The following SRGAP1 variants were observed in gnomAD, a reference collection of about 807,000 sequenced individuals.
SRGAP1 encodes the protein SLIT-ROBO Rho GTPase-activating protein 1.
SRGAP1 carries 43 observed loss-of-function variants against 121.9 expected under a neutral mutation model. The observed-to-expected ratio is 0.35, with a 90% CI of 0.28 to 0.46. The LOEUF (loss-of-function observed/expected upper bound fraction) is 0.46. SRGAP1 is among the 20% of genes least tolerant of loss of function. The pLI, the probability that SRGAP1 is intolerant of heterozygous loss-of-function variation, is 1.00. For synonymous variants in SRGAP1, 447 were observed against 485.4 expected (o/e 0.92, Z 1.04); for missense variants, 1,102 against 1,350.9 (o/e 0.82, Z 2.89).
At chr12:63,964,041 C>T (rs2032716392) in intron 1 of SRGAP1, among the ~76,000 whole-genome samples, 1 of 151,818 alleles carries the variant, frequency 6.6e-6, no homozygotes, top group African/African-American at 2.4e-5. Context: ...TTTTTTTTCC[C>T]CTGGGGAAGT....
intron 1 of SRGAP1, among the ~76,000 whole-genome samples, chr12:63,877,306 G>A (rs984493502): frequency 7.9e-5 from 12 of 152,128 alleles, no homozygotes; most frequent in African/African-American, 2.9e-4. Context: ...TATGTATTTT[G>A]GGGAAAATTG....
At chr12:63,886,757 C>T (rs1184202877) in intron 1 of SRGAP1, among the ~76,000 whole-genome samples, 1 of 152,156 alleles carries the variant, frequency 6.6e-6, no homozygotes, top group Non-Finnish European at 1.5e-5. Context: ...AGGCGTGAGA[C>T]ACCACGTCTG....
At chr12:64,034,247 T>A (rs2034849325) in intron 4 of SRGAP1, among the ~76,000 whole-genome samples, 1 of 152,020 alleles carries the variant, frequency 6.6e-6, no homozygotes, top group Non-Finnish European at 1.5e-5. Flanking sequence ...TCTGGCTGTT[T>A]AAAAGTGTGT....
intron 8 of SRGAP1, among the ~76,000 whole-genome samples, chr12:64,073,702 T>A (rs1373604287): frequency 4.8e-5 from 7 of 146,346 alleles, no homozygotes; most frequent in African/African-American, 1.9e-4. Flanking sequence ...ATTATTTTTC[T>A]TTTTTTTTTC....
rs1368619319 is a variant in SRGAP1, at chr12:64,012,889, A to G, written c.427-4061A>G. On this transcript the variant is annotated intron_variant, in intron 3 of 21. Transcript: ENST00000355086. ...TTAATGAAATAGAATCCATAGGTGTATTTAACCTATTAAATATTTTTTTTT... is the reference window on the plus strand; with the variant it reads ...TTAATGAAATAGAATCCATAGGTGTGTTTAACCTATTAAATATTTTTTTTT... 2.0e-5 allele frequency among the ~76,000 whole-genome samples: 3 copies of G among 152,102 alleles called. No individual in the cohort carries two copies. In the South Asian group the frequency reaches 6.2e-4, roughly 32 times the overall value.
At chr12:63,941,676 GA>G (rs543399375) in intron 1 of SRGAP1, among the ~76,000 whole-genome samples, 17,738 of 117,438 alleles carry the variant, frequency 0.15, 1,279 homozygotes, top group African/African-American at 0.24. Flanking sequence ...ATGCCAGTTA[GA>G]AAAAAAAAAA....
intron 19 of SRGAP1, among the ~76,000 whole-genome samples, chr12:64,126,980 G>A (rs1459064256): frequency 6.6e-6 from 1 of 152,242 alleles, no homozygotes; most frequent in East Asian, 1.9e-4. Flanking sequence ...CCTTTTCTAT[G>A]TTTAGATATG....
Position 64,158,274 on chromosome 12 carries a change from T to C in SRGAP1, c.*15602T>C, listed in dbSNP as rs1402146135. 1 of 152,236 alleles carries C rather than the reference T, an allele frequency of 6.6e-6. No individual in the cohort carries two copies. Among genetic ancestry groups the C allele is most frequent in the Non-Finnish European group, 1.5e-5 (1 of 68,048 alleles). The allele number at this position is 152,236 out of a possible 1,614,324, so 9.4% of individuals were successfully genotyped here. A position where few individuals can be genotyped will look rare whatever the true frequency, so the allele number is the denominator to read the frequency against. ...TTAAAACTATTTCCTGCTTTGTATT[T>C]GTCCTTTATTCCAAAAACTTAAAAA... On this transcript the variant is annotated 3_prime_UTR_variant, in exon 22 of 22. Coordinates refer to ENST00000355086, the MANE Select transcript of SRGAP1 (RefSeq NM_020762.4).
At chr12:63,934,923 T>C (rs2031612943) in intron 1 of SRGAP1, among the ~76,000 whole-genome samples, 1 of 152,208 alleles carries the variant, frequency 6.6e-6, no homozygotes, top group African/African-American at 2.4e-5. Context: ...GACATGTTTG[T>C]TCTTGTTTAA....
chr12:63,897,698 G>C (rs75180182), intron 1 of SRGAP1, among the ~76,000 whole-genome samples: 1 of 152,106 alleles, frequency 6.6e-6, no homozygotes, highest in Non-Finnish European at 1.5e-5. Flanking sequence ...TCTCAACTTA[G>C]TAAAATGTTT....
intron 21 of SRGAP1, among the ~76,000 whole-genome samples, chr12:64,131,834 G>A (rs905355678): frequency 3.3e-5 from 5 of 152,202 alleles, no homozygotes; most frequent in East Asian, 1.9e-4. Flanking sequence ...ATGGTCAAAC[G>A]TTCAGTTTCC....
chr12:63,890,754 C>T (rs539511997), intron 1 of SRGAP1, among the ~76,000 whole-genome samples: 4 of 152,264 alleles, frequency 2.6e-5, no homozygotes, highest in African/African-American at 7.2e-5. Context: ...TCTGCAGGCC[C>T]CAGGAGACGG....
At chr12:64,115,145 A>G (rs931948807) in intron 17 of SRGAP1, among the ~76,000 whole-genome samples, 1 of 152,224 alleles carries the variant, frequency 6.6e-6, no homozygotes, top group East Asian at 1.9e-4. Flanking sequence ...ACCAATTTAT[A>G]TGTAGTAAAG....
chr12:64,102,605 A>G (rs1217211514), intron 15 of SRGAP1, among the ~76,000 whole-genome samples: 1 of 152,112 alleles, frequency 6.6e-6, no homozygotes, highest in Admixed American at 6.6e-5. Context: ...GGCAATCACT[A>G]ATCTACTTTC....
rs142796665 is a variant in SRGAP1, at chr12:63,937,421, C to T, written c.68-46526C>T. Reference sequence around the variant, plus strand: ...TGAAATAAGGGAAAACCAGAAACCCCAAGAACATTTCTCTTTAGATGTGGA... The same window carrying T: ...TGAAATAAGGGAAAACCAGAAACCCTAAGAACATTTCTCTTTAGATGTGGA... On this transcript the variant is annotated intron_variant, in intron 1 of 21. Transcript: ENST00000355086. Among the ~76,000 whole-genome samples the T allele has an allele frequency of 2.2e-3, 340 of 152,230 alleles. 1 individual carries two copies. The highest frequency in any genetic ancestry group is 6.9e-3 in the South Asian group (33 of 4,810).
chr12:63,993,825 A>G (rs1475446105), intron 3 of SRGAP1, among the ~76,000 whole-genome samples: 1 of 152,104 alleles, frequency 6.6e-6, no homozygotes, highest in Non-Finnish European at 1.5e-5. Context: ...AGTTATAGAC[A>G]TAGTTGCCTA....
intron 1 of SRGAP1, among the ~76,000 whole-genome samples, chr12:63,909,394 C>A (rs1034480271): frequency 2.6e-5 from 4 of 152,192 alleles, no homozygotes; most frequent in Non-Finnish European, 5.9e-5. Context: ...TGCTCTATCC[C>A]TTGACCTCCA....
At chr12:63,891,593 T>A (rs1900582377) in intron 1 of SRGAP1, among the ~76,000 whole-genome samples, 1 of 152,282 alleles carries the variant, frequency 6.6e-6, no homozygotes. Flanking sequence ...GCATGCTTTG[T>A]TGAGCTGATG....
At position 64,138,596 on chromosome 12, in the gene SRGAP1, G is replaced by A. The variant is rs1031327873; in HGVS notation, c.2881-3699G>A. Among the ~76,000 whole-genome samples the A allele has an allele frequency of 2.6e-5, 4 of 151,460 alleles. No individual in the cohort carries two copies. The South Asian group carries it at 8.3e-4, about 32-fold the overall frequency. Reference sequence around the variant, plus strand: ...CTGCCTCAGCCTTGAGAGTAGCTGGGCGTGTGCCACCACGCCTGGCTATCT... The same window carrying A: ...CTGCCTCAGCCTTGAGAGTAGCTGGACGTGTGCCACCACGCCTGGCTATCT... On this transcript the variant is annotated intron_variant, in intron 21 of 21. Transcript: ENST00000355086.
Sources: gnomAD v4.1 joint callset for allele counts (sites outside exome capture counted in the v4.1 genomes callset) on GRCh38, gnomAD v4.1.1 for gene constraint, MANE v1.5 for transcripts, NCBI Gene and HGNC (gene_info 2026-07-23, HGNC 2026-07-21) for gene names.